Variants in PSD3 observed in about 807,000 individuals in gnomAD.
The protein encoded by PSD3 is pleckstrin and Sec7 domain containing 3, also known as PH and SEC7 domain-containing protein 3.
In PSD3, 49 loss-of-function variants were observed where a neutral mutation model predicts 105.5. The observed-to-expected ratio is 0.46, with a 90% CI of 0.37 to 0.59. The LOEUF is 0.59. Ranked by LOEUF, PSD3 falls within the 20% of genes least tolerant of loss-of-function variation. The pLI is 0.00. For synonymous variants in PSD3, 557 were observed against 457.8 expected (o/e 1.22, Z -2.77); for missense variants, 1,561 against 1,263.8 (o/e 1.24, Z -3.57).
intron 9 of PSD3, chr8:18,732,921 G>A (rs1585764973): frequency 2.0e-5 from 3 of 151,928 alleles, no homozygotes; most frequent in African/African-American, 7.3e-5. Flanking sequence ...TGACCGGGAC[G>A]AAGTACCTTG....
At chr8:18,630,896 G>A (rs1806848515) in intron 11 of PSD3, among the ~76,000 whole-genome samples, 1 of 151,686 alleles carries the variant, frequency 6.6e-6, no homozygotes, top group Admixed American at 6.6e-5. Context: ...ACAGTTTAAA[G>A]TATATGGGAG....
chr8:19,019,564 A>C (rs988227668), intron 1 of PSD3, among the ~76,000 whole-genome samples: 2 of 152,208 alleles, frequency 1.3e-5, no homozygotes, highest in Non-Finnish European at 2.9e-5. Flanking sequence ...AGAATACAGA[A>C]CATAAGTGCC....
intron 11 of PSD3, among the ~76,000 whole-genome samples, chr8:18,607,830 C>G (rs560908547): frequency 2.6e-5 from 4 of 152,078 alleles, no homozygotes; most frequent in East Asian, 3.9e-4. Flanking sequence ...GGGGATGCCT[C>G]AGGAAATGTA....
chr8:18,955,173 C>G (rs56401377), intron 1 of PSD3, among the ~76,000 whole-genome samples: 59,558 of 151,918 alleles, frequency 0.39, 11,857 homozygotes, highest in Non-Finnish European at 0.41. Flanking sequence ...AAGATTCCCC[C>G]GGCATCTCCT....
intron 1 of PSD3, among the ~76,000 whole-genome samples, chr8:19,009,234 T>A (rs1016701728): frequency 4.6e-5 from 7 of 152,126 alleles, no homozygotes; most frequent in Admixed American, 4.6e-4. Context: ...TGTATAATGG[T>A]CGGTGATGAA....
At chr8:18,602,649 C>A (rs555096582) in intron 11 of PSD3, among the ~76,000 whole-genome samples, 18 of 152,116 alleles carry the variant, frequency 1.2e-4, no homozygotes, top group African/African-American at 4.3e-4. Flanking sequence ...GAGTAAGGTA[C>A]TATTGATACT....
Position 18,561,444 on chromosome 8 carries a change from G to C in PSD3, c.2785-5092C>G, listed in dbSNP as rs866830299. On this transcript the variant is annotated intron_variant, in intron 14 of 15. Coordinates refer to ENST00000327040, the MANE Select transcript of PSD3 (RefSeq NM_015310.4). Reference sequence around the variant, plus strand: ...ACAATTGAACTCATAGAAATAAGGAGAATGGTGGTTACCAGAGGCTGGGGG... The same window carrying C: ...ACAATTGAACTCATAGAAATAAGGACAATGGTGGTTACCAGAGGCTGGGGG... 3.9e-5 allele frequency among the ~76,000 whole-genome samples: 6 copies of C among 152,286 alleles called. No individual in the cohort carries two copies. In the South Asian group the frequency reaches 8.3e-4, roughly 21 times the overall value.
chr8:19,051,424 A>G (rs1286423146), intron 1 of PSD3, among the ~76,000 whole-genome samples: 1 of 152,174 alleles, frequency 6.6e-6, no homozygotes, highest in Admixed American at 6.5e-5. Context: ...TTAGTTATCT[A>G]TAAACTCCAT....
At chr8:18,732,332 A>G (rs1803820964) in intron 9 of PSD3, among the ~76,000 whole-genome samples, 1 of 152,264 alleles carries the variant, frequency 6.6e-6, no homozygotes, top group Non-Finnish European at 1.5e-5. Flanking sequence ...AAGGAAGATT[A>G]GGAAGCTACA....
At chr8:18,554,190 C>T (rs752141472) in intron 15 of PSD3, among the ~76,000 whole-genome samples, 1 of 152,208 alleles carries the variant, frequency 6.6e-6, no homozygotes, top group South Asian at 2.1e-4. Flanking sequence ...AGGGCTCCAG[C>T]GAGGTGCTGA....
intron 1 of PSD3, among the ~76,000 whole-genome samples, chr8:18,983,064 G>A (rs1174907035): frequency 6.6e-6 from 1 of 152,206 alleles, no homozygotes; most frequent in Non-Finnish European, 1.5e-5. Flanking sequence ...AATGGTCTTA[G>A]CTAGATCTTC....
At chr8:19,025,700 G>T (rs1827525296) in intron 1 of PSD3, among the ~76,000 whole-genome samples, 1 of 152,220 alleles carries the variant, frequency 6.6e-6, no homozygotes, top group South Asian at 2.1e-4. Flanking sequence ...GGAAAGTCTT[G>T]TGGGATTTTA....
chr8:18,710,282 A>T (rs6586761), intron 9 of PSD3, among the ~76,000 whole-genome samples: 2 of 151,972 alleles, frequency 1.3e-5, no homozygotes, highest in Admixed American at 1.3e-4. Context: ...GACAGGCAGA[A>T]AAGATTAGAG....
chr8:18,918,100 C>T (rs1216156047), intron 2 of PSD3, among the ~76,000 whole-genome samples: 1 of 152,116 alleles, frequency 6.6e-6, no homozygotes, highest in Non-Finnish European at 1.5e-5. Context: ...TAATAAAATA[C>T]ACACTTACAG....
chr8:18,950,296 T>G (rs1295875731), intron 1 of PSD3, among the ~76,000 whole-genome samples: 1 of 152,242 alleles, frequency 6.6e-6, no homozygotes, highest in Admixed American at 6.5e-5. Context: ...TTAGTTTTTT[T>G]GAGGAACTCT....
chr8:18,996,377 G>A (rs1826080558), intron 1 of PSD3, among the ~76,000 whole-genome samples: 2 of 151,890 alleles, frequency 1.3e-5, no homozygotes, highest in African/African-American at 4.8e-5. Context: ...GGGACTCCCT[G>A]AGGTTGAACA....
rs1217169498 is a variant in PSD3 at position 19,061,783 on chromosome 8, C to T, written c.324+22423G>A. ...TTGTGCCACTCTACTCCAGCCTGGG[C>T]GACAGAGTGAGACTCCGTCTAAAAA... On this transcript the variant is annotated intron_variant, in intron 1 of 1. Coordinates refer to the PSD3 transcript ENST00000521475. 6.7e-5 allele frequency among the ~76,000 whole-genome samples: 10 copies of T among 149,282 alleles called. 1 individual carries two copies. In the South Asian group the frequency reaches 1.7e-3, roughly 25 times the overall value.
chr8:18,782,862 C>T (rs1443331727), intron 8 of PSD3, among the ~76,000 whole-genome samples: 1 of 152,124 alleles, frequency 6.6e-6, no homozygotes. Flanking sequence ...GGCACATGGC[C>T]GTAGGCAGGG....
intron 9 of PSD3, among the ~76,000 whole-genome samples, chr8:18,753,424 G>T (rs977531245): frequency 2.6e-5 from 4 of 151,824 alleles, no homozygotes; most frequent in Non-Finnish European, 5.9e-5. Context: ...ATGTTGTGAA[G>T]AGGAAAGTTC....
Sources: allele counts gnomAD v4.1 joint callset (sites outside exome capture counted in the v4.1 genomes callset), GRCh38; gene constraint gnomAD v4.1.1; transcripts MANE v1.5; gene names NCBI Gene and HGNC (gene_info 2026-07-23, HGNC 2026-07-21).